Variants in GALNT13 observed in about 807,000 individuals in gnomAD.
The protein encoded by GALNT13 is polypeptide N-acetylgalactosaminyltransferase 13, also known as UDP-GalNAc:polypeptide N-acetylgalactosaminyltransferase 13.
GALNT13 carries 28 observed loss-of-function variants against 64.2 expected under a neutral mutation model. The observed-to-expected ratio is 0.44, with a 90% CI of 0.32 to 0.60. The LOEUF (loss-of-function observed/expected upper bound fraction) is 0.60. Ranked by LOEUF, GALNT13 falls within the 20% of genes least tolerant of loss-of-function variation. GALNT13 has a pLI of 0.05. For missense variants in GALNT13, 577 were observed against 669.8 expected, an observed-to-expected ratio of 0.86 and a Z score of 1.53; for synonymous variants, 214 against 224.6, an observed-to-expected ratio of 0.95 and a Z score of 0.42.
chr2:153,943,003 C>T (rs545342391), intron 2 of GALNT13, among the ~76,000 whole-genome samples: 2 of 152,276 alleles, frequency 1.3e-5, no homozygotes, highest in African/African-American at 4.8e-5. Context: ...AACTTCATCA[C>T]TTATCTTATT....
chr2:153,569,389 C>T, the GALNT13 span, among the ~76,000 whole-genome samples: 1 of 151,720 alleles, frequency 6.6e-6, no homozygotes, highest in African/African-American at 2.4e-5. Context: ...GCCTTTTGTT[C>T]ATTTTTCTGT....
chr2:153,204,651 T>C, the GALNT13 span, among the ~76,000 whole-genome samples: 2 of 146,196 alleles, frequency 1.4e-5, no homozygotes, highest in African/African-American at 5.1e-5. Flanking sequence ...CTAGAATACA[T>C]CTTGTTAGAA....
the GALNT13 span, among the ~76,000 whole-genome samples, chr2:153,778,573 A>G: frequency 6.6e-6 from 1 of 152,230 alleles, no homozygotes; most frequent in Admixed American, 6.5e-5. Context: ...AAATGTCTAC[A>G]TCTTTTATGT....
At chr2:154,030,858 C>G (rs1698290244) in intron 3 of GALNT13, among the ~76,000 whole-genome samples, 1 of 152,206 alleles carries the variant, frequency 6.6e-6, no homozygotes, top group Admixed American at 6.6e-5. Flanking sequence ...TGCTTCCTGT[C>G]AAGCCTGTGG....
chr2:153,480,153 A>G, the GALNT13 span, among the ~76,000 whole-genome samples: 1 of 152,178 alleles, frequency 6.6e-6, no homozygotes, highest in African/African-American at 2.4e-5. Context: ...ACAGTTGTCA[A>G]TTAAAAATAA....
the GALNT13 span, among the ~76,000 whole-genome samples, chr2:153,142,054 T>G: frequency 3.9e-5 from 6 of 152,236 alleles, no homozygotes; most frequent in Admixed American, 6.5e-5. Context: ...TTATTTTTGC[T>G]ATGATGGGAA....
chr2:153,883,787 G>C (rs1356226927), intron 1 of GALNT13, among the ~76,000 whole-genome samples: 1 of 151,860 alleles, frequency 6.6e-6, no homozygotes, highest in Non-Finnish European at 1.5e-5. Context: ...TAAAACAAAA[G>C]AATATGCAAA....
chr2:154,308,566 G>A (rs759450567), intron 9 of GALNT13, among the ~76,000 whole-genome samples: 2 of 152,070 alleles, frequency 1.3e-5, no homozygotes, highest in Non-Finnish European at 2.9e-5. Flanking sequence ...GAATATTTTT[G>A]TAATAATCTA....
the GALNT13 span, among the ~76,000 whole-genome samples, chr2:153,453,414 A>G: frequency 9.8e-5 from 15 of 152,292 alleles, no homozygotes; most frequent in African/African-American, 3.4e-4. Context: ...AACTTAAACA[A>G]TTGAACAATA....
At chr2:153,594,548 CTT>C in the GALNT13 span, among the ~76,000 whole-genome samples, 1 of 151,950 alleles carries the variant, frequency 6.6e-6, no homozygotes, top group Non-Finnish European at 1.5e-5. Flanking sequence ...AATCTTATCT[CTT>C]CTAATAAATT....
intron 2 of GALNT13, among the ~76,000 whole-genome samples, chr2:153,936,773 T>G (rs1390864664): frequency 6.6e-6 from 1 of 151,730 alleles, no homozygotes; most frequent in Non-Finnish European, 1.5e-5. Flanking sequence ...CAGGCTGGAG[T>G]GCAGTGGCAT....
At chr2:153,585,145 A>G in the GALNT13 span, among the ~76,000 whole-genome samples, 1 of 152,204 alleles carries the variant, frequency 6.6e-6, no homozygotes, top group Non-Finnish European at 1.5e-5. Context: ...GAGATGCAAG[A>G]GAAATCTGAA....
At chr2:153,391,847 A>C in the GALNT13 span, among the ~76,000 whole-genome samples, 1 of 151,636 alleles carries the variant, frequency 6.6e-6, no homozygotes, top group African/African-American at 2.4e-5. Context: ...ATTATTTTAA[A>C]ACTACTTTGC....
At chr2:154,032,864 CTTTTT>C (rs70981694) in intron 3 of GALNT13, among the ~76,000 whole-genome samples, 27 of 110,092 alleles carry the variant, frequency 2.5e-4, no homozygotes, top group South Asian at 1.6e-3. Flanking sequence ...CCTACATTTC[CTTTTT>C]TTTTTTTTTT....
At chr2:154,334,996 A>C (rs1158166013) in intron 9 of GALNT13, among the ~76,000 whole-genome samples, 1 of 151,982 alleles carries the variant, frequency 6.6e-6, no homozygotes, top group Non-Finnish European at 1.5e-5. Context: ...TTTTCCCACT[A>C]GTCTTCTTTT....
intron 4 of GALNT13, among the ~76,000 whole-genome samples, chr2:154,149,360 G>A (rs1188204355): frequency 1.3e-5 from 2 of 152,096 alleles, no homozygotes; most frequent in East Asian, 1.9e-4. Context: ...GTCAGGTAGC[G>A]TGATGCCTCC....
chr2:154,415,983 A>T (rs763752321), intron 11 of GALNT13, among the ~76,000 whole-genome samples: 8 of 152,162 alleles, frequency 5.3e-5, no homozygotes, highest in Non-Finnish European at 8.8e-5. Context: ...CATTCATTAA[A>T]TGTTTAAATG....
the GALNT13 span, among the ~76,000 whole-genome samples, chr2:153,285,901 A>G: frequency 6.6e-6 from 1 of 152,134 alleles, no homozygotes; most frequent in African/African-American, 2.4e-5. Flanking sequence ...CATGAAAGCT[A>G]GAAAAAAGGA....
At chr2:154,201,461 G>A (rs1443494874) in intron 4 of GALNT13, among the ~76,000 whole-genome samples, 1 of 152,046 alleles carries the variant, frequency 6.6e-6, no homozygotes, top group African/African-American at 2.4e-5. Context: ...AGCAATCATG[G>A]CAAGAAGACA....
Sources: gnomAD v4.1 joint callset for allele counts (sites outside exome capture counted in the v4.1 genomes callset) on GRCh38, gnomAD v4.1.1 for gene constraint, MANE v1.5 for transcripts, NCBI Gene and HGNC (gene_info 2026-07-23, HGNC 2026-07-21) for gene names.